Variants in EPHA6 observed in about 807,000 individuals in gnomAD.
The protein encoded by EPHA6 is ephrin type-A receptor 6.
In EPHA6, 50 loss-of-function variants were observed where a neutral mutation model predicts 112.0. The ratio of observed to expected loss-of-function variants is 0.45; its 90% CI spans 0.36 to 0.56. EPHA6 has a LOEUF of 0.56. EPHA6 is among the 20% of genes least tolerant of loss of function. The pLI is 0.00. For missense variants in EPHA6, 1,280 were observed against 1,417.4 expected (o/e 0.90, Z 1.56); for synonymous variants, 529 against 490.7 (o/e 1.08, Z -1.03).
intron 3 of EPHA6, among the ~76,000 whole-genome samples, chr3:97,083,099 A>G (rs898686379): frequency 1.9e-4 from 29 of 151,970 alleles, no homozygotes; most frequent in Admixed American, 1.3e-4. Flanking sequence ...AATTTGCCGT[A>G]AGAATTAACA....
chr3:97,686,953 T>C (rs2032296352), intron 14 of EPHA6, among the ~76,000 whole-genome samples: 1 of 152,164 alleles, frequency 6.6e-6, no homozygotes, highest in South Asian at 2.1e-4. Flanking sequence ...AAATTCTTTC[T>C]GGCTCTCACA....
intron 14 of EPHA6, among the ~76,000 whole-genome samples, chr3:97,720,040 G>T (rs2034456010): frequency 1.3e-5 from 2 of 152,252 alleles, no homozygotes; most frequent in Admixed American, 6.5e-5. Flanking sequence ...AAATATTTCT[G>T]AAGTGTGACT....
At chr3:97,044,732 G>T (rs1479760911) in intron 3 of EPHA6, among the ~76,000 whole-genome samples, 1 of 152,018 alleles carries the variant, frequency 6.6e-6, no homozygotes, top group Admixed American at 6.6e-5. Context: ...AAAATCTCTG[G>T]ATTTGTATGC....
intron 1 of EPHA6, among the ~76,000 whole-genome samples, chr3:96,840,477 T>A (rs1364507207): frequency 6.6e-6 from 1 of 152,142 alleles, no homozygotes; most frequent in Admixed American, 6.6e-5. Flanking sequence ...ACAGGAAGTT[T>A]AAAATGCCTT....
At chr3:97,324,696 G>T (rs1052644371) in intron 5 of EPHA6, among the ~76,000 whole-genome samples, 1 of 151,506 alleles carries the variant, frequency 6.6e-6, no homozygotes, top group Non-Finnish European at 1.5e-5. Flanking sequence ...CTGCCACCAC[G>T]CCCAGCTCAT....
chr3:96,970,409 A>G (rs1398923928), intron 2 of EPHA6, among the ~76,000 whole-genome samples: 1 of 151,982 alleles, frequency 6.6e-6, no homozygotes, highest in Non-Finnish European at 1.5e-5. Context: ...CAGCTAAGTC[A>G]TATGTTATGT....
rs2035820889 is a variant in EPHA6, at chr3:97,748,825, T to C, written c.*124T>C. The stretch of plus-strand genomic sequence containing the variant: ...AAACTGCAGTCTTCTGTTCAGACTA[T>C]AGGCACACACCTTATGTTTATGCTT... On this transcript the variant is annotated 3_prime_UTR_variant, in exon 18 of 18. Transcript: ENST00000389672. The C allele has an allele frequency of 3.0e-6, 2 of 667,944 alleles. No homozygotes were observed. Among genetic ancestry groups the C allele is most frequent in the Middle Eastern group, 2.5e-4 (1 of 3,932 alleles). 41.4% of individuals were successfully genotyped at this position (667,944 alleles called of 1,614,324 possible).
chr3:97,729,665 T>C (rs1299881777), intron 15 of EPHA6, among the ~76,000 whole-genome samples: 1 of 150,830 alleles, frequency 6.6e-6, no homozygotes, highest in Non-Finnish European at 1.5e-5. Flanking sequence ...ATTACAAGTG[T>C]TATTTACTTA....
At chr3:97,434,794 C>T (rs138593703) in intron 6 of EPHA6, among the ~76,000 whole-genome samples, 4 of 152,128 alleles carry the variant, frequency 2.6e-5, no homozygotes, top group South Asian at 2.1e-4. Context: ...ACTGGGATGG[C>T]GAAACAATGG....
chr3:97,374,930 T>C (rs1489555349), intron 5 of EPHA6, among the ~76,000 whole-genome samples: 1 of 152,162 alleles, frequency 6.6e-6, no homozygotes. Flanking sequence ...ATTTTCATGG[T>C]TTGAGTCAAC....
At chr3:96,871,041 G>T (rs2036596712) in intron 2 of EPHA6, among the ~76,000 whole-genome samples, 2 of 151,916 alleles carry the variant, frequency 1.3e-5, no homozygotes, top group Admixed American at 6.6e-5. Context: ...AATATGGAGT[G>T]CTATAGTTAC....
intron 11 of EPHA6, among the ~76,000 whole-genome samples, chr3:97,540,155 T>C (rs1393338885): frequency 6.6e-6 from 1 of 152,228 alleles, no homozygotes; most frequent in African/African-American, 2.4e-5. Flanking sequence ...AAATAAATGG[T>C]GATTTACTGT....
chr3:97,378,900 G>A (rs185177122), intron 5 of EPHA6, among the ~76,000 whole-genome samples: 2 of 152,270 alleles, frequency 1.3e-5, no homozygotes, highest in African/African-American at 4.8e-5. Context: ...ATTTTGGACT[G>A]TGTACTTTTG....
chr3:96,857,101 C>T (rs1021431872), intron 1 of EPHA6, among the ~76,000 whole-genome samples: 2 of 152,084 alleles, frequency 1.3e-5, no homozygotes, highest in African/African-American at 4.8e-5. Context: ...GTTAAGAAAA[C>T]TGATCAATGT....
At chr3:97,274,460 G>A (rs1224379402) in intron 5 of EPHA6, among the ~76,000 whole-genome samples, 1 of 152,166 alleles carries the variant, frequency 6.6e-6, no homozygotes, top group Non-Finnish European at 1.5e-5. Context: ...ATTAATGATG[G>A]AGGACCCTTG....
At chr3:97,184,060 T>C (rs1241382205) in intron 3 of EPHA6, among the ~76,000 whole-genome samples, 1 of 152,162 alleles carries the variant, frequency 6.6e-6, no homozygotes, top group Non-Finnish European at 1.5e-5. Flanking sequence ...ATACCTGAAA[T>C]GTTTGTATAA....
chr3:97,578,300 G>C lies in EPHA6; in HGVS notation c.2387-14312G>C, dbSNP rs986955329. ...CCAAGATCCTTCGACATACTGAACAGCTGTCTTCAGCACACTGTCCAGGAT... is the reference window on the plus strand; with the variant it reads ...CCAAGATCCTTCGACATACTGAACACCTGTCTTCAGCACACTGTCCAGGAT... On this transcript the variant is annotated intron_variant, in intron 11 of 17. Transcript: ENST00000389672. Among the ~76,000 whole-genome samples, 6 of 151,906 alleles carry C rather than the reference G, an allele frequency of 3.9e-5. No individual in the cohort carries two copies. In the East Asian group the frequency reaches 1.2e-3, roughly 29 times the overall value.
At chr3:97,634,725 A>T (rs1056871033) in intron 13 of EPHA6, among the ~76,000 whole-genome samples, 1 of 152,068 alleles carries the variant, frequency 6.6e-6, no homozygotes, top group Admixed American at 6.6e-5. Flanking sequence ...TTCTTTCCTC[A>T]GTTTGAGCCA....
At chr3:97,493,303 A>G (rs1345645814) in intron 10 of EPHA6, among the ~76,000 whole-genome samples, 1 of 151,988 alleles carries the variant, frequency 6.6e-6, no homozygotes, top group African/African-American at 2.4e-5. Context: ...TCATAACAAA[A>G]TATCACAGAT....
Sources: gnomAD v4.1 joint callset for allele counts (sites outside exome capture counted in the v4.1 genomes callset) on GRCh38, gnomAD v4.1.1 for gene constraint, MANE v1.5 for transcripts, NCBI Gene and HGNC (gene_info 2026-07-23, HGNC 2026-07-21) for gene names.